Variants in PROX2 observed in about 807,000 individuals in gnomAD.
The protein encoded by PROX2 is prospero homeobox protein 2.
A neutral mutation model predicts 48.9 loss-of-function variants in PROX2; 46 were observed. The ratio of observed to expected loss-of-function variants is 0.94; its 90% CI spans 0.74 to 1.20. The LOEUF is 1.20. Among genes scored for constraint, PROX2 ranks in the 50% most tolerant of loss-of-function variants. The pLI is 0.00. For missense variants in PROX2, 663 were observed against 719.4 expected, an observed-to-expected ratio of 0.92 and a Z score of 0.90; for synonymous variants, 260 against 276.6, an observed-to-expected ratio of 0.94 and a Z score of 0.60.
At chr14:74,856,244 C>T (rs1051888979) in intron 5 of PROX2, 5 of 153,076 alleles carry the variant, frequency 3.3e-5, no homozygotes, top group African/African-American at 1.2e-4. Flanking sequence ...TTCACTGACG[C>T]TTTACCTCTG....
At chr14:74,861,879 C>T (rs2091797188) in intron 3 of PROX2, among the ~76,000 whole-genome samples, 1 of 152,222 alleles carries the variant, frequency 6.6e-6, no homozygotes, top group African/African-American at 2.4e-5. Flanking sequence ...TAGATGACGT[C>T]ATTCCTTTGA....
At chr14:74,859,327 G>A (rs945895563) in intron 3 of PROX2, 6 of 152,304 alleles carry the variant, frequency 3.9e-5, no homozygotes, top group East Asian at 3.9e-4. Context: ...TGTTTGTCTC[G>A]TCTAGACTGT....
intron 2 of PROX2, among the ~76,000 whole-genome samples, chr14:74,865,076 C>T (rs765622278): frequency 1.8e-4 from 26 of 145,916 alleles, no homozygotes; most frequent in East Asian, 6.3e-4. Context: ...ACCCAGGAGG[C>T]GGAGGTTGCA....
At position 74,857,252 on chromosome 14, in the gene PROX2, C is replaced by T. The variant is rs1594857900; in HGVS notation, c.1414-257G>A. 8.3e-6 allele frequency: 3 copies of T among 361,756 alleles called. No individual in the cohort carries two copies. The East Asian group carries it at 1.3e-4, about 16-fold the overall frequency. The allele number at this position is 361,756 out of a possible 1,614,324, so 22.4% of individuals were successfully genotyped here. On this transcript the variant is annotated intron_variant, in intron 4 of 5. Transcript: ENST00000556489. The stretch of plus-strand genomic sequence containing the variant: ...TGCTAGATTTATGGGGGTTGTTTTA[C>T]CCATGAAAAGCTTTTTGTGGTGTTT...
Position 74,856,793 on chromosome 14 carries a change from GGTCTTACCTCAAA to G in PROX2, c.1603_1608+7del. The G allele has an allele frequency of 1.9e-6, 3 of 1,610,906 alleles. No individual in the cohort carries two copies. The highest frequency in any genetic ancestry group is 2.5e-6 in the Non-Finnish European group (3 of 1,177,150). On this transcript the variant is annotated splice_donor_variant and splice_donor_5th_base_variant and coding_sequence_variant and intron_variant, in exon 5 of 6. Transcript: ENST00000556489. LOFTEE classifies it high-confidence loss of function. ...CAGATCTCATGGGAACCCAGTACAT[GGTCTTACCTCAAA>G]GTCATTTCCCTTGTTGTAGTGCATA...
Position 74,863,537 on chromosome 14 carries a change from G to C in PROX2, c.298C>G (p.Arg100Gly). Reference protein sequence around the residue: ...GVSPRCPKKARERKRKQNLPT... With the variant: ...GVSPRCPKKAGERKRKQNLPT... ...AGGTTCTGCTTCCTCTTCCTCTCTC[G>C]GGCCTTCTTTGGGCAGCGTGGGCTG... Residue 100 changes from arginine to glycine, a missense_variant, in exon 3 of 6, where the codon CGA (arginine) becomes GGA (glycine). Arg to Gly is a moderately radical substitution (Grantham distance 125, BLOSUM62 -2). Coordinates refer to ENST00000556489, the MANE Select transcript of PROX2 (RefSeq NM_001243007.2). 1 of 1,613,480 alleles carries C rather than the reference G, an allele frequency of 6.2e-7. No homozygotes were observed. Among genetic ancestry groups the C allele is most frequent in the South Asian group, 1.1e-5 (1 of 90,942 alleles).
chr14:74,854,877 G>C lies in PROX2; in HGVS notation c.*255C>G. On this transcript the variant is annotated 3_prime_UTR_variant, in exon 6 of 6. Coordinates refer to ENST00000556489, the MANE Select transcript of PROX2 (RefSeq NM_001243007.2). The stretch of plus-strand genomic sequence containing the variant: ...TGGAAACAATGGAGTTGAGCTTCAA[G>C]TCTTCTGATTGGAAACTTGTGTTCC... The C allele has an allele frequency of 3.7e-6, 1 of 270,368 alleles. No individual in the cohort carries two copies. The highest frequency in any genetic ancestry group is 6.9e-6 in the Non-Finnish European group (1 of 145,740). The allele number at this position is 270,368 out of a possible 1,614,324, so 16.7% of individuals were successfully genotyped here.
intron 2 of PROX2, chr14:74,865,345 G>A (rs1383478376): frequency 1.3e-5 from 2 of 152,168 alleles, no homozygotes; most frequent in Non-Finnish European, 2.9e-5. Context: ...AGCAGGGAAA[G>A]CAGAGAATAA....
Position 74,858,493 on chromosome 14 carries a change from C to A in PROX2, c.1327G>T (p.Gly443Cys). 1 of 1,577,200 alleles carries A rather than the reference C, an allele frequency of 6.3e-7. No individual in the cohort carries two copies. Among genetic ancestry groups the A allele is most frequent in the East Asian group, 2.3e-5 (1 of 43,566 alleles). The change falls in exon 4 of 6, where the codon GGT becomes TGT. Residue 443 changes from glycine (G) to cysteine (C), a missense_variant. Transcript: ENST00000556489. Reference sequence around the variant, plus strand: ...ATTAGTTTGGCCTTCTTCAAGTGACCAGGGTTTAGACCCTCCTGGATTTAT... The same window carrying A: ...ATTAGTTTGGCCTTCTTCAAGTGACAAGGGTTTAGACCCTCCTGGATTTAT... ...LVHIQEGLNP[G>C]HLKKAKLMFF... is the part of the protein sequence containing the mutation.
intron 4 of PROX2, chr14:74,857,393 G>A (rs1002007231): frequency 1.8e-5 from 3 of 164,608 alleles, no homozygotes; most frequent in South Asian, 1.8e-4. Context: ...AGGGCAAGAT[G>A]TAGGTCAGGG....
chr14:74,865,569 G>A (rs972636287), intron 2 of PROX2, among the ~76,000 whole-genome samples: 3 of 152,138 alleles, frequency 2.0e-5, no homozygotes, highest in South Asian at 2.1e-4. Flanking sequence ...TGGGCCGGGC[G>A]CGGTGGCTCA....
intron 2 of PROX2, among the ~76,000 whole-genome samples, chr14:74,870,684 G>T (rs533503244): frequency 6.6e-6 from 1 of 152,186 alleles, no homozygotes; most frequent in East Asian, 1.9e-4. Context: ...GAAGGCAGGG[G>T]ATATATGCGA....
At chr14:74,856,647 A>C in intron 5 of PROX2, 154 bp downstream of exon 5, 1 of 622,442 alleles carries the variant, frequency 1.6e-6, no homozygotes, top group Non-Finnish European at 2.8e-6. Flanking sequence ...GAAGATGTTG[A>C]GGCTGTAATC....
chr14:74,864,265 A>AAATAAT (rs377565208), intron 2 of PROX2, among the ~76,000 whole-genome samples: 1,622 of 151,664 alleles, frequency 0.011, 22 homozygotes, highest in African/African-American at 0.038. Flanking sequence ...CATAACAATA[A>AAATAAT]AATAATAATA....
chr14:74,863,069 G>T lies in PROX2; in HGVS notation c.766C>A (p.Leu256Met). The change falls in exon 3 of 6, where the codon CTG becomes ATG. Residue 256 changes from leucine to methionine, a missense_variant. Leu to Met is a conservative substitution (Grantham distance 15). Coordinates refer to ENST00000556489, the MANE Select transcript of PROX2 (RefSeq NM_001243007.2). The stretch of plus-strand genomic sequence containing the variant: ...ACCTGCCCCTGGAAGCTTCTGCCCA[G>T]CTGAGTCAGGTGGCCTGGTGGATCC... ...LLDPPGHLTQ[L>M]GRSFQGQVAE... 1 of 1,613,946 alleles carries T rather than the reference G, an allele frequency of 6.2e-7. No individual in the cohort carries two copies. Among genetic ancestry groups the T allele is most frequent in the Non-Finnish European group, 8.5e-7 (1 of 1,179,846 alleles).
At chr14:74,873,603 C>T in intron 1 of PROX2, 1 of 256,640 alleles carries the variant, frequency 3.9e-6, no homozygotes, top group South Asian at 4.8e-5. Flanking sequence ...AAGAGGTCTT[C>T]TGGCCCCGGC....
chr14:74,861,297 C>T, intron 3 of PROX2: 1 of 1,137,620 alleles, frequency 8.8e-7, no homozygotes, highest in Non-Finnish European at 1.2e-6. Context: ...GCACAGCTAG[C>T]TTAAAAAGCA....
chr14:74,861,089 C>T (rs2091791563), intron 3 of PROX2: 2 of 590,552 alleles, frequency 3.4e-6, no homozygotes, highest in Middle Eastern at 5.0e-4. Flanking sequence ...CACTTTTGAC[C>T]GGCAGGGGGC....
At chr14:74,869,031 A>G (rs752838944) in intron 2 of PROX2, among the ~76,000 whole-genome samples, 8 of 152,142 alleles carry the variant, frequency 5.3e-5, no homozygotes, top group Non-Finnish European at 1.2e-4. Context: ...CCAATAAGTT[A>G]ACACATGTTA....
Sources: gnomAD v4.1 joint callset for allele counts (sites outside exome capture counted in the v4.1 genomes callset) on GRCh38, gnomAD v4.1.1 for gene constraint, MANE v1.5 for transcripts, NCBI Gene and HGNC (gene_info 2026-07-23, HGNC 2026-07-21) for gene names.